EFHC2: variants seen among roughly 807,000 people sequenced by gnomAD.
The protein encoded by EFHC2 is EF-hand domain containing 2.
A neutral mutation model predicts 52.7 loss-of-function variants in EFHC2; 18 were observed. The observed-to-expected ratio is 0.34, with a 90% CI of 0.24 to 0.51. The LOEUF (loss-of-function observed/expected upper bound fraction) is 0.51. Among genes scored for constraint, EFHC2 ranks in the 20% least tolerant of loss-of-function variants. The pLI is 0.97. For missense variants in EFHC2, 513 were observed against 562.5 expected, an observed-to-expected ratio of 0.91 and a Z score of 0.89; for synonymous variants, 203 against 204.1, an observed-to-expected ratio of 0.99 and a Z score of 0.04.
chrX:44,199,063 C>T (rs1470615637), intron 11 of EFHC2, among the ~76,000 whole-genome samples: 1 of 112,652 alleles, frequency 8.9e-6, no homozygotes, highest in Non-Finnish European at 1.9e-5. Flanking sequence ...TGTTTGTCCC[C>T]TCCAAATCTC....
chrX:44,256,690 C>T (rs1366487155), intron 4 of EFHC2, among the ~76,000 whole-genome samples: 6 of 111,269 alleles, frequency 5.4e-5, no homozygotes, highest in Non-Finnish European at 1.1e-4. Context: ...GATTCACAGC[C>T]AAATTCTACC....
chrX:44,257,118 T>C (rs1032369824), intron 4 of EFHC2, among the ~76,000 whole-genome samples: 6 of 111,702 alleles, frequency 5.4e-5, no homozygotes, highest in Admixed American at 4.7e-4. Context: ...CTAAAAACTC[T>C]CCATAAACTA....
At chrX:44,206,758 C>T (rs1460868564) in intron 11 of EFHC2, among the ~76,000 whole-genome samples, 2 of 112,080 alleles carry the variant, frequency 1.8e-5, no homozygotes, top group Non-Finnish European at 3.8e-5. Context: ...TAAGAATCAA[C>T]ATCATTAAAA....
chrX:44,326,238 G>GGGAA (rs770977086), intron 1 of EFHC2, among the ~76,000 whole-genome samples: 15 of 110,758 alleles, frequency 1.4e-4, no homozygotes, highest in African/African-American at 4.9e-4. Context: ...GGCTGGAAAG[G>GGGAA]GGAAGGAGAG....
chrX:44,259,871 A>T (rs184091924), intron 4 of EFHC2, among the ~76,000 whole-genome samples: 45 of 111,992 alleles, frequency 4.0e-4, no homozygotes, highest in African/African-American at 1.4e-3. Context: ...TCAACAATAT[A>T]TATATTTCTC....
chrX:44,163,628 G>A (rs1373074538), intron 14 of EFHC2, among the ~76,000 whole-genome samples: 2 of 111,658 alleles, frequency 1.8e-5, no homozygotes, highest in Non-Finnish European at 3.8e-5. Context: ...CTTGATAACA[G>A]TGTTTATATC....
intron 14 of EFHC2, among the ~76,000 whole-genome samples, chrX:44,157,469 G>A (rs915165413): frequency 1.8e-5 from 2 of 111,192 alleles, no homozygotes; most frequent in Non-Finnish European, 3.8e-5. Context: ...CACTCCTCAA[G>A]CTTCCTTGCT....
intron 4 of EFHC2, among the ~76,000 whole-genome samples, chrX:44,251,620 A>T (rs1214335381): frequency 1.8e-5 from 1 of 55,828 alleles, no homozygotes; most frequent in Non-Finnish European, 3.1e-5. Flanking sequence ...AAAAAAAAAA[A>T]AAAAAAAAAA....
intron 12 of EFHC2, among the ~76,000 whole-genome samples, chrX:44,177,304 T>C (rs2036794718): frequency 8.9e-6 from 1 of 112,055 alleles, no homozygotes; most frequent in Non-Finnish European, 1.9e-5. Flanking sequence ...GCATTATGGA[T>C]TAATAAAAAA....
intron 11 of EFHC2, among the ~76,000 whole-genome samples, chrX:44,214,934 T>C (rs907917405): frequency 3.6e-5 from 4 of 111,605 alleles, no homozygotes; most frequent in African/African-American, 1.3e-4. Flanking sequence ...TGGTTCTGTG[T>C]CCCCACCCAA....
intron 11 of EFHC2, among the ~76,000 whole-genome samples, chrX:44,194,684 G>A (rs887371937): frequency 1.7e-4 from 19 of 111,713 alleles, no homozygotes; most frequent in East Asian, 5.6e-4. Flanking sequence ...AAATGAGCAC[G>A]AATTAATTAA....
At chrX:44,341,537 C>T (rs1357934085) in intron 1 of EFHC2, among the ~76,000 whole-genome samples, 1 of 112,259 alleles carries the variant, frequency 8.9e-6, no homozygotes, top group African/African-American at 3.2e-5. Context: ...CAGCCTCGAC[C>T]TCCCAGGCTC....
intron 11 of EFHC2, among the ~76,000 whole-genome samples, chrX:44,197,595 C>A (rs753509666): frequency 8.9e-6 from 1 of 112,056 alleles, no homozygotes; most frequent in Admixed American, 9.4e-5. Context: ...GGCTGGCACT[C>A]CCAAAAGGCA....
At chrX:44,321,007 A>G (rs932335210) in intron 1 of EFHC2, among the ~76,000 whole-genome samples, 9 of 111,936 alleles carry the variant, frequency 8.0e-5, no homozygotes, top group Non-Finnish European at 1.5e-4. Context: ...CGCTCTGGCC[A>G]CAATACAAAG....
intron 2 of EFHC2, among the ~76,000 whole-genome samples, chrX:44,286,845 C>A (rs1417446033): frequency 7.2e-5 from 7 of 96,699 alleles, no homozygotes; most frequent in Admixed American, 4.5e-4. Flanking sequence ...GAAACCTCGT[C>A]TCTACAAAAA....
chrX:44,317,613 T>C (rs1210016015), intron 1 of EFHC2, among the ~76,000 whole-genome samples: 3 of 112,454 alleles, frequency 2.7e-5, no homozygotes, highest in Admixed American at 1.9e-4. Context: ...TGGTGAGACC[T>C]TGTCTCTACA....
chrX:44,193,499 C>A (rs749702219), intron 11 of EFHC2, among the ~76,000 whole-genome samples: 2 of 112,091 alleles, frequency 1.8e-5, no homozygotes, highest in East Asian at 5.6e-4. Context: ...TTTCCTACAA[C>A]AAACAAACAA....
chrX:44,309,391 T>G, intron 2 of EFHC2: 2 of 922,595 alleles, frequency 2.2e-6, no homozygotes, highest in Middle Eastern at 2.6e-4. Context: ...TCGCCTACTC[T>G]CCTCTCAAAG....
At chrX:44,259,446 A>G (rs1224460881) in intron 4 of EFHC2, among the ~76,000 whole-genome samples, 1 of 111,854 alleles carries the variant, frequency 8.9e-6, no homozygotes, top group African/African-American at 3.3e-5. Flanking sequence ...TACCTAAAGT[A>G]GATGATGGGT....
Sources: gnomAD v4.1 joint callset for allele counts (sites outside exome capture counted in the v4.1 genomes callset) on GRCh38, gnomAD v4.1.1 for gene constraint, MANE v1.5 for transcripts, NCBI Gene and HGNC (gene_info 2026-07-23, HGNC 2026-07-21) for gene names.